The following YTHDF3 variants were observed in gnomAD, a reference collection of about 807,000 sequenced individuals.
YTHDF3 encodes YTH domain-containing family protein 3.
In YTHDF3, 9 loss-of-function variants were observed where a neutral mutation model predicts 52.5. The ratio of observed to expected loss-of-function variants is 0.17; its 90% CI spans 0.10 to 0.30. The LOEUF (loss-of-function observed/expected upper bound fraction) is 0.30. Ranked by LOEUF, YTHDF3 falls within the 10% of genes least tolerant of loss-of-function variation. The probability of loss-of-function intolerance (pLI) is 1.00; values close to 1 mark genes in which losing one functional copy is unlikely to be tolerated. For synonymous variants in YTHDF3, 274 were observed against 243.3 expected, an observed-to-expected ratio of 1.13 and a Z score of -1.18; for missense variants, 534 against 715.0, an observed-to-expected ratio of 0.75 and a Z score of 2.89.
chr8:63,169,679 T>C (rs1158556659), intron 2 of YTHDF3, among the ~76,000 whole-genome samples: 1 of 152,226 alleles, frequency 6.6e-6, no homozygotes, highest in African/African-American at 2.4e-5. Flanking sequence ...GGTATTTCTT[T>C]GGTTTTCCAG....
intron 4 of YTHDF3, among the ~76,000 whole-genome samples, chr8:63,193,017 T>C (rs1809010692): frequency 1.3e-5 from 2 of 152,066 alleles, no homozygotes; most frequent in South Asian, 2.1e-4. Flanking sequence ...CAGCACTAAT[T>C]GCAAAAGACT....
intron 4 of YTHDF3, among the ~76,000 whole-genome samples, chr8:63,209,152 G>A (rs1810224080): frequency 6.6e-6 from 1 of 152,180 alleles, no homozygotes; most frequent in African/African-American, 2.4e-5. Context: ...ACAGGCATGA[G>A]CCACTGCGCC....
At chr8:63,177,396 G>A (rs1047800181) in intron 3 of YTHDF3, among the ~76,000 whole-genome samples, 17 of 152,084 alleles carry the variant, frequency 1.1e-4, no homozygotes, top group Admixed American at 6.5e-4. Context: ...AAAACTTTAC[G>A]ATCTCAGCAA....
intron 4 of YTHDF3, among the ~76,000 whole-genome samples, chr8:63,198,980 A>G (rs1010203180): frequency 6.4e-5 from 9 of 140,540 alleles, no homozygotes; most frequent in Non-Finnish European, 1.1e-4. Flanking sequence ...ATAATGTAAC[A>G]TATTTGATTA....
At chr8:63,173,202 T>TTATATTTATATATATATATATATATATA (rs1554533377) in intron 2 of YTHDF3, among the ~76,000 whole-genome samples, 1 of 125,886 alleles carries the variant, frequency 7.9e-6, no homozygotes, top group Non-Finnish European at 1.5e-5. Context: ...AGGATTATAT[T>TTATATTTATATATATATATATATATATA]TATATATATA....
intron 2 of YTHDF3, among the ~76,000 whole-genome samples, chr8:63,171,549 C>T (rs903199626): frequency 6.6e-6 from 1 of 152,114 alleles, no homozygotes; most frequent in Non-Finnish European, 1.5e-5. Flanking sequence ...ATATACGTTA[C>T]TTGTATTTTT....
rs187182003 is a variant in YTHDF3 at position 63,208,845 on chromosome 8, A to G, written c.1735-838A>G. Among the ~76,000 whole-genome samples, 74 of 152,156 alleles carry G rather than the reference A, an allele frequency of 4.9e-4. 1 individual carries two copies. The highest frequency in any genetic ancestry group is 1.6e-3 in the African/African-American group (68 of 41,470). Reference sequence around the variant, plus strand: ...AGCCAGCATTCGACTGAATTTGTCTAACACTCATCTTTTTTGTTGTTGTTG... The same window carrying G: ...AGCCAGCATTCGACTGAATTTGTCTGACACTCATCTTTTTTGTTGTTGTTG... On this transcript the variant is annotated intron_variant, in intron 4 of 4. Coordinates refer to ENST00000539294, the MANE Select transcript of YTHDF3 (RefSeq NM_152758.6).
chr8:63,178,824 T>G (rs1010513624), intron 3 of YTHDF3, among the ~76,000 whole-genome samples: 1 of 152,180 alleles, frequency 6.6e-6, no homozygotes, highest in Non-Finnish European at 1.5e-5. Context: ...AAATAAAATG[T>G]TTGGACCTTT....
chr8:63,186,938 A>G lies in YTHDF3; in HGVS notation c.927A>G (p.Gln309=), dbSNP rs374641087. 2.4e-5 allele frequency: 39 copies of G among 1,613,782 alleles called. No homozygotes were observed. Among genetic ancestry groups the G allele is most frequent in the African/African-American group, 4.0e-5 (3 of 74,892 alleles). ...TCCAGCAGCCTCAGCCATTAATTCA[A>G]CCACCACCATTGGTGCAAAGCCAAC... The part of the protein sequence containing the change: ...TIIQQPQPLI[Q]PPPLVQSQLP... Residue 309 remains glutamine (Q), a synonymous_variant, in exon 4 of 5, where the codon CAA becomes CAG. Transcript: ENST00000539294.
chr8:63,209,812 C>A lies in YTHDF3; in HGVS notation c.*106C>A. On this transcript the variant is annotated 3_prime_UTR_variant, in exon 5 of 5. Transcript: ENST00000539294. ...TAAAGCTCTTTTCTGCTTAAGGTGA[C>A]ATCTTTGAACACTTTAACACAAAGT... is the stretch of plus-strand genomic sequence containing the variant. 1 of 1,111,012 alleles carries A rather than the reference C, an allele frequency of 9.0e-7. No individual in the cohort carries two copies. The highest frequency in any genetic ancestry group is 1.6e-5 in the South Asian group (1 of 64,038). 68.8% of individuals were successfully genotyped at this position (1,111,012 alleles called of 1,614,324 possible).
intron 3 of YTHDF3, among the ~76,000 whole-genome samples, chr8:63,182,955 C>CTTTTTTTTT (rs11381385): frequency 2.1e-5 from 3 of 143,622 alleles, no homozygotes; most frequent in Non-Finnish European, 1.5e-5. Flanking sequence ...ACAGTTTTAT[C>CTTTTTTTTT]TTTTTTTTTT....
At chr8:63,192,802 T>TTTACTAC in intron 4 of YTHDF3, among the ~76,000 whole-genome samples, 1 of 151,226 alleles carries the variant, frequency 6.6e-6, no homozygotes, top group African/African-American at 2.4e-5. Context: ...TAGGATTTTC[T>TTTACTAC]TTACTACTTA....
intron 2 of YTHDF3, among the ~76,000 whole-genome samples, chr8:63,173,093 T>G (rs1000213374): frequency 4.0e-5 from 6 of 151,570 alleles, no homozygotes; most frequent in Non-Finnish European, 8.8e-5. Context: ...TATGCATCAT[T>G]TAAAAATGAC....
At position 63,206,484 on chromosome 8, in the gene YTHDF3, C is replaced by A. The variant is rs1728855500; in HGVS notation, c.1735-3199C>A. 2.0e-5 allele frequency among the ~76,000 whole-genome samples: 3 copies of A among 152,166 alleles called. No homozygotes were observed. In the South Asian group the frequency reaches 6.2e-4, roughly 31 times the overall value. On this transcript the variant is annotated intron_variant, in intron 4 of 4. Coordinates refer to ENST00000539294, the MANE Select transcript of YTHDF3 (RefSeq NM_152758.6). ...CTGGGCTCATCCTTGATACTTCTTTCTAACCCCTTATCTAATCCATCAGCA... is the reference window on the plus strand; with the variant it reads ...CTGGGCTCATCCTTGATACTTCTTTATAACCCCTTATCTAATCCATCAGCA...
chr8:63,183,947 T>G (rs563047438), intron 3 of YTHDF3, among the ~76,000 whole-genome samples: 1 of 152,346 alleles, frequency 6.6e-6, no homozygotes, highest in African/African-American at 2.4e-5. Context: ...TCCTGTATAC[T>G]TTAGATGATC....
intron 3 of YTHDF3, among the ~76,000 whole-genome samples, chr8:63,184,510 T>C (rs17196307): frequency 0.017 from 2,529 of 152,366 alleles, 21 homozygotes; most frequent in Non-Finnish European, 0.027. Context: ...TAGATGGGTA[T>C]ACCACAGGTA....
chr8:63,208,781 T>C (rs1810197000), intron 4 of YTHDF3, among the ~76,000 whole-genome samples: 1 of 152,248 alleles, frequency 6.6e-6, no homozygotes, highest in Non-Finnish European at 1.5e-5. Context: ...TTTTGCTTTT[T>C]AAGATAGGAA....
chr8:63,209,828 A>G lies in YTHDF3; in HGVS notation c.*122A>G. On this transcript the variant is annotated 3_prime_UTR_variant, in exon 5 of 5. Coordinates refer to ENST00000539294, the MANE Select transcript of YTHDF3 (RefSeq NM_152758.6). ...TTAAGGTGACATCTTTGAACACTTT[A>G]ACACAAAGTTGACTCTTCTCGTAAT... The G allele has an allele frequency of 1.0e-6, 1 of 976,746 alleles. No homozygotes were observed. The highest frequency in any genetic ancestry group is 2.6e-5 in the East Asian group (1 of 37,784). The allele number at this position is 976,746 out of a possible 1,614,324, so 60.5% of individuals were successfully genotyped here. A position where few individuals can be genotyped will look rare whatever the true frequency, so the allele number is the denominator to read the frequency against.
chr8:63,183,281 T>C (rs888488959), intron 3 of YTHDF3, among the ~76,000 whole-genome samples: 1 of 152,172 alleles, frequency 6.6e-6, no homozygotes, highest in African/African-American at 2.4e-5. Flanking sequence ...TTTTAATCAG[T>C]TACATATATT....
Sources: allele counts gnomAD v4.1 joint callset (sites outside exome capture counted in the v4.1 genomes callset), GRCh38; gene constraint gnomAD v4.1.1; transcripts MANE v1.5; gene names NCBI Gene and HGNC (gene_info 2026-07-23, HGNC 2026-07-21).